GNAO1: variants seen among roughly 807,000 people sequenced by gnomAD.
GNAO1 encodes the protein guanine nucleotide-binding protein G(o) subunit alpha.
For missense variants in GNAO1, 166 were observed against 478.7 expected (o/e 0.35, Z 6.10); for synonymous variants, 164 against 180.7 (o/e 0.91, Z 0.74).
At chr16:56,341,466 T>G (rs2037802780) in intron 6 of GNAO1, among the ~76,000 whole-genome samples, 1 of 152,152 alleles carries the variant, frequency 6.6e-6, no homozygotes, top group Admixed American at 6.5e-5. Flanking sequence ...CCTCACCAGG[T>G]GCTATGAAGA....
intron 2 of GNAO1, among the ~76,000 whole-genome samples, chr16:56,263,139 AG>A (rs35749776): frequency 6.6e-6 from 1 of 152,230 alleles, no homozygotes. Context: ...TCCGGGCCCA[AG>A]GGGGAAGACT....
chr16:56,351,256 C>A lies in GNAO1; in HGVS notation c.724-128C>A. The A allele has an allele frequency of 1.6e-6, 1 of 632,604 alleles. No homozygotes were observed. Among genetic ancestry groups the A allele is most frequent in the Non-Finnish European group, 2.8e-6 (1 of 358,398 alleles). The allele number at this position is 632,604 out of a possible 1,614,324, so 39.2% of individuals were successfully genotyped here. A position where few individuals can be genotyped will look rare whatever the true frequency, so the allele number is the denominator to read the frequency against. ...TGTAACTGACTCAGGTTCCATCTGGCAGCCTCTCGGAGGAGCTGCCGAGTA... is the reference window on the plus strand; with the variant it reads ...TGTAACTGACTCAGGTTCCATCTGGAAGCCTCTCGGAGGAGCTGCCGAGTA... On this transcript the variant is annotated intron_variant, in intron 6 of 8. Transcript: ENST00000262493. This position sits in a 1 kb window ranked among gnomAD's most constrained non-coding sequence, Gnocchi z 6.1.
intron 2 of GNAO1, among the ~76,000 whole-genome samples, chr16:56,219,925 C>G (rs1467061576): frequency 6.6e-6 from 1 of 152,130 alleles, no homozygotes. Flanking sequence ...ATTCCTAGAA[C>G]TAGAGAAGGC....
rs11649418 is a variant in GNAO1, at chr16:56,209,175, T to A, written c.161+16559T>A. The stretch of plus-strand genomic sequence containing the variant: ...TTTACTTGTAGTTGATTCTTGTGTA[T>A]GATGTAAGTTGTTTTTTCTCTAATG... On this transcript the variant is annotated intron_variant, in intron 2 of 8. Coordinates refer to ENST00000262493, the MANE Select transcript of GNAO1 (RefSeq NM_020988.3). 7.3e-3 allele frequency among the ~76,000 whole-genome samples: 1,113 copies of A among 152,354 alleles called. 6 individuals carry two copies. Among genetic ancestry groups the A allele is most frequent in the Non-Finnish European group, 0.011 (756 of 68,040 alleles).
intron 2 of GNAO1, among the ~76,000 whole-genome samples, chr16:56,254,664 A>G (rs564858563): frequency 8.7e-4 from 133 of 152,210 alleles, no homozygotes; most frequent in Non-Finnish European, 1.6e-3. Context: ...GAGTAATCTA[A>G]TCTGTTGACT....
chr16:56,248,614 C>A (rs2036771323), intron 2 of GNAO1, among the ~76,000 whole-genome samples: 2 of 152,076 alleles, frequency 1.3e-5, no homozygotes, highest in South Asian at 4.1e-4. Flanking sequence ...TTAGAGGGGG[C>A]CATTGTTTTA....
At chr16:56,216,887 T>A (rs1433124803) in intron 2 of GNAO1, among the ~76,000 whole-genome samples, 3 of 152,218 alleles carry the variant, frequency 2.0e-5, no homozygotes, top group Admixed American at 6.5e-5. Context: ...TGCCTCAGTT[T>A]CTTACATTGT....
At chr16:56,240,508 G>T (rs1379537862) in intron 2 of GNAO1, among the ~76,000 whole-genome samples, 1 of 152,076 alleles carries the variant, frequency 6.6e-6, no homozygotes, top group Non-Finnish European at 1.5e-5. Context: ...TTTATTGAGT[G>T]GTGGGTCCCA....
At chr16:56,344,109 C>G (rs1485155500) in intron 6 of GNAO1, 9 of 1,453,224 alleles carry the variant, frequency 6.2e-6, no homozygotes, top group African/African-American at 4.3e-5. Flanking sequence ...TCCACCCGCA[C>G]CCCCCAACAG....
rs528698750 is a variant in GNAO1, at chr16:56,344,158, T to C, written c.724-7226T>C. 2.8e-6 allele frequency: 4 copies of C among 1,434,450 alleles called. No homozygotes were observed. The South Asian group carries it at 6.0e-5, about 21-fold the overall frequency. The allele number at this position is 1,434,450 out of a possible 1,614,324, so 88.9% of individuals were successfully genotyped here. A position where few individuals can be genotyped will look rare whatever the true frequency, so the allele number is the denominator to read the frequency against. ...GCAGGGGCGGGGCGGGGCTGCTGAGTGCATGCTGCAAGGCCAGGAGACTCC... is the reference window on the plus strand; with the variant it reads ...GCAGGGGCGGGGCGGGGCTGCTGAGCGCATGCTGCAAGGCCAGGAGACTCC... On this transcript the variant is annotated intron_variant, in intron 6 of 8. Coordinates refer to ENST00000262493, the MANE Select transcript of GNAO1 (RefSeq NM_020988.3).
intron 3 of GNAO1, among the ~76,000 whole-genome samples, chr16:56,297,594 G>A (rs1362569495): frequency 6.7e-6 from 1 of 149,450 alleles, no homozygotes; most frequent in Non-Finnish European, 1.5e-5. Flanking sequence ...TAAAAGGTGG[G>A]AATTTTTTGT....
At chr16:56,295,679 G>A (rs932118608) in intron 3 of GNAO1, among the ~76,000 whole-genome samples, 1 of 152,056 alleles carries the variant, frequency 6.6e-6, no homozygotes, top group Non-Finnish European at 1.5e-5. Context: ...CCTTCCTCTC[G>A]CTGCCCAGGC....
chr16:56,294,091 G>T (rs567935252), intron 3 of GNAO1, among the ~76,000 whole-genome samples: 133 of 152,228 alleles, frequency 8.7e-4, no homozygotes, highest in Non-Finnish European at 1.7e-3. Flanking sequence ...TGCCCAACTG[G>T]CAGCAGAGCC....
chr16:56,302,417 T>C (rs1172223590), intron 3 of GNAO1: 1 of 152,376 alleles, frequency 6.6e-6, no homozygotes, highest in Non-Finnish European at 1.5e-5. Context: ...CAGAAGCAGT[T>C]CTATGGGCCC....
intron 2 of GNAO1, among the ~76,000 whole-genome samples, chr16:56,265,387 A>G (rs992681971): frequency 6.6e-6 from 1 of 152,246 alleles, no homozygotes; most frequent in Non-Finnish European, 1.5e-5. Flanking sequence ...CTGGCCATGC[A>G]GGTCGGGCTC....
At chr16:56,229,051 T>C (rs2036562028) in intron 2 of GNAO1, among the ~76,000 whole-genome samples, 1 of 152,220 alleles carries the variant, frequency 6.6e-6, no homozygotes, top group Non-Finnish European at 1.5e-5. Flanking sequence ...TAACTTTTGT[T>C]TTATATAACC....
intron 2 of GNAO1, among the ~76,000 whole-genome samples, chr16:56,256,348 G>A (rs545705141): frequency 2.6e-5 from 4 of 152,210 alleles, no homozygotes; most frequent in South Asian, 4.1e-4. Flanking sequence ...TTCTACCTGC[G>A]CTCCATTACG....
intron 2 of GNAO1, among the ~76,000 whole-genome samples, chr16:56,248,741 G>T (rs2036772331): frequency 6.6e-6 from 1 of 152,190 alleles, no homozygotes; most frequent in African/African-American, 2.4e-5. Flanking sequence ...AGGCCCTGAG[G>T]TGGGAGTGGT....
intron 3 of GNAO1, among the ~76,000 whole-genome samples, chr16:56,312,241 A>G (rs549006595): frequency 1.3e-5 from 2 of 152,272 alleles, no homozygotes; most frequent in East Asian, 3.9e-4. Context: ...TCTACCACCT[A>G]CTGGCTGAGG....
Sources: allele counts gnomAD v4.1 joint callset (sites outside exome capture counted in the v4.1 genomes callset), GRCh38; gene constraint gnomAD v4.1.1; non-coding constraint Gnocchi (gnomAD v3.1); transcripts MANE v1.5; gene names NCBI Gene and HGNC (gene_info 2026-07-23, HGNC 2026-07-21).